The following SPOUT1 variants were observed in gnomAD, a reference collection of about 807,000 sequenced individuals.
SPOUT1 encodes SPOUT domain containing methyltransferase 1.
SPOUT1 carries 40 observed loss-of-function variants against 54.8 expected under a neutral mutation model. That is an observed-to-expected ratio of 0.73 (90% CI 0.57 to 0.95). The LOEUF (loss-of-function observed/expected upper bound fraction) is 0.95. Ranked by LOEUF, SPOUT1 falls within the 40% of genes least tolerant of loss-of-function variation. SPOUT1 has a pLI of 0.00. For synonymous variants in SPOUT1, 193 were observed against 200.3 expected (o/e 0.96, Z 0.31); for missense variants, 437 against 499.5 (o/e 0.87, Z 1.19).
intron 11 of SPOUT1, among the ~76,000 whole-genome samples, chr9:128,823,069 C>T (rs974340116): frequency 4.6e-5 from 7 of 152,164 alleles, no homozygotes; most frequent in Admixed American, 1.3e-4. Flanking sequence ...AAGGTAACAA[C>T]GCCCACCTCC....
Position 128,822,919 on chromosome 9 carries a change from C to T in SPOUT1, c.1063-86G>A, listed in dbSNP as rs142430618. 402 of 1,000,522 alleles carry T rather than the reference C, an allele frequency of 4.0e-4. 6 individuals are homozygous for T. The East Asian group carries it at 1.0e-2, about 25-fold the overall frequency. 62.0% of individuals were successfully genotyped at this position (1,000,522 alleles called of 1,614,324 possible). On this transcript the variant is annotated intron_variant, in intron 11 of 11. Coordinates refer to ENST00000361256, the MANE Select transcript of SPOUT1 (RefSeq NM_016390.4). ...AGCCTGTCTTCAGTGCCTGGCTGCC[C>T]GAGACCTGGCCCACTGGGGTCCCCT...
In SPOUT1 at chr9:128,829,766, G is replaced by A. The variant is rs148048157; in HGVS notation, c.15C>T (p.Gly5=). 2.2e-4 allele frequency: 347 copies of A among 1,602,266 alleles called. 1 individual carries two copies. In the African/African-American group the frequency reaches 4.1e-3, roughly 19 times the overall value. The change falls in exon 1 of 12, where the codon GGC becomes GGT. Residue 5 remains glycine, a synonymous_variant. Transcript: ENST00000361256. MAER[G]RKRPCGPGEH... Reference sequence around the variant, plus strand: ...TTACCGGGCCGCACGGCCGCTTCCTGCCGCGCTCCGCCATGTTCCGCACAC... The same window carrying A: ...TTACCGGGCCGCACGGCCGCTTCCTACCGCGCTCCGCCATGTTCCGCACAC...
At chr9:128,822,882 GC>G in intron 11 of SPOUT1, 49 bp from the exon 12 acceptor site, 2 of 1,400,930 alleles carry the variant, frequency 1.4e-6, no homozygotes, top group South Asian at 2.5e-5. Flanking sequence ...GCTAGCGGGT[GC>G]CCCCGCTCCC....
At position 128,824,055 on chromosome 9, in the gene SPOUT1, C is replaced by T; in HGVS notation, c.914+17G>A. 6.2e-7 allele frequency: 1 copy of T among 1,603,582 alleles called. No individual in the cohort carries two copies. On this transcript the variant is annotated intron_variant, in intron 10 of 11. Coordinates refer to ENST00000361256, the MANE Select transcript of SPOUT1 (RefSeq NM_016390.4). Reference sequence around the variant, plus strand: ...CACATTCCTCCTGCCCTGGCCGCAGCCCCAGGAGGTACACACCTGAAGTTG... The same window carrying T: ...CACATTCCTCCTGCCCTGGCCGCAGTCCCAGGAGGTACACACCTGAAGTTG...
At position 128,820,406 on chromosome 9, in the gene SPOUT1, G is replaced by A. The variant is rs556782482; in HGVS notation, c.*2359C>T. The A allele has an allele frequency of 3.8e-6, 1 of 265,798 alleles. No individual in the cohort carries two copies. Among genetic ancestry groups the A allele is most frequent in the East Asian group, 7.9e-5 (1 of 12,608 alleles). The allele number at this position is 265,798 out of a possible 1,614,324, so 16.5% of individuals were successfully genotyped here. ...GGGAAAAGGAACGGGTTGGTAGTTG[G>A]AAGGGCTGGTCTTCCCAGGAGACCC... On this transcript the variant is annotated 3_prime_UTR_variant, in exon 12 of 12. Transcript: ENST00000361256.
At position 128,820,799 on chromosome 9, in the gene SPOUT1, C is replaced by A; in HGVS notation, c.*1966G>T. ...GGAGAAATATAGCCGCAGCTTGACC[C>A]GCAGCTACCAAAACGTCTATGTCTG... is the stretch of plus-strand genomic sequence containing the variant. On this transcript the variant is annotated 3_prime_UTR_variant, in exon 12 of 12. Coordinates refer to ENST00000361256, the MANE Select transcript of SPOUT1 (RefSeq NM_016390.4). 6.2e-7 allele frequency: 1 copy of A among 1,612,614 alleles called. No individual in the cohort carries two copies. The highest frequency in any genetic ancestry group is 8.5e-7 in the Non-Finnish European group (1 of 1,179,380).
intron 3 of SPOUT1, among the ~76,000 whole-genome samples, chr9:128,828,388 C>CG (rs1051609259): frequency 3.3e-5 from 5 of 151,288 alleles, no homozygotes; most frequent in Admixed American, 2.6e-4. Flanking sequence ...CCCAACTACT[C>CG]GGGGGGCCGA....
intron 3 of SPOUT1, among the ~76,000 whole-genome samples, chr9:128,827,924 A>C (rs1830272900): frequency 6.6e-6 from 1 of 152,158 alleles, no homozygotes; most frequent in African/African-American, 2.4e-5. Flanking sequence ...GTGTCTCAAA[A>C]ACAAACAAAA....
rs941460179 is a variant in SPOUT1 at position 128,822,625 on chromosome 9, G to A, written c.*140C>T. 8 of 1,563,558 alleles carry A rather than the reference G, an allele frequency of 5.1e-6. No homozygotes were observed. The highest frequency in any genetic ancestry group is 6.9e-6 in the Non-Finnish European group (8 of 1,153,632). The stretch of plus-strand genomic sequence containing the variant: ...GCAGTAAGTGAGGGTGGAGCCCAGT[G>A]AGACTGTGGGTGTGTGCAGGCCGGG... On this transcript the variant is annotated 3_prime_UTR_variant, in exon 12 of 12. Transcript: ENST00000361256.
At position 128,828,754 on chromosome 9, in the gene SPOUT1, C is replaced by T. The variant is rs151128931; in HGVS notation, c.189G>A (p.Ala63=). 4.8e-3 allele frequency: 7,780 copies of T among 1,613,966 alleles called. 31 individuals are homozygous for T. Among genetic ancestry groups the T allele is most frequent in the Middle Eastern group, 6.8e-3 (40 of 5,870 alleles). The change falls in exon 3 of 12, where the codon GCG becomes GCA. Residue 63 remains alanine (A), a synonymous_variant. Transcript: ENST00000361256. ...GCTCACCGCGGTCCTCCTTCTCTGC[C>T]GCTGCCTCCTCCTCTTCCAGGCGCT... is the stretch of plus-strand genomic sequence containing the variant. The part of the protein sequence containing the change: ...QAKRLEEEEA[A]AEKEDRGRPY...
Position 128,828,847 on chromosome 9 carries a change from T to C in SPOUT1, c.96A>G (p.Lys32=), listed in dbSNP as rs1564436938. ...RKWKQQKKEE[K]KKWKDLKLMK... ...TCAGCTTGAGATCCTTCCATTTTTT[T>C]TTCTCCTCTTTCTCTGGATAAAAGA... Residue 32 remains lysine (K), a synonymous_variant, in exon 3 of 12, where the codon AAA becomes AAG. Transcript: ENST00000361256. 6.2e-7 allele frequency: 1 copy of C among 1,614,188 alleles called. No individual in the cohort carries two copies. Among genetic ancestry groups the C allele is most frequent in the Non-Finnish European group, 8.5e-7 (1 of 1,180,028 alleles).
chr9:128,828,994 C>G (rs1471952174), intron 2 of SPOUT1, 116 bp downstream of exon 2: 1 of 1,507,718 alleles, frequency 6.6e-7, no homozygotes, highest in African/African-American at 1.4e-5. Flanking sequence ...GCCCCTGCCT[C>G]CCCACTTTGT....
At chr9:128,823,694 G>A (rs931004753) in intron 11 of SPOUT1, 53 bp downstream of exon 11, 22 of 1,527,578 alleles carry the variant, frequency 1.4e-5, no homozygotes, top group Admixed American at 3.9e-5. Flanking sequence ...CCCGCCCCTC[G>A]GACAGATCCC....
chr9:128,820,720 G>A lies in SPOUT1; in HGVS notation c.*2045C>T, dbSNP rs768584347. ...AGGGTCCCAGCCACAGTCCTGCTAA[G>A]CCCTATCTCTCCTACCAGGTGCCCC... On this transcript the variant is annotated 3_prime_UTR_variant, in exon 12 of 12. Transcript: ENST00000361256. The A allele has an allele frequency of 6.3e-7, 1 of 1,595,290 alleles. No individual in the cohort carries two copies. The highest frequency in any genetic ancestry group is 1.7e-5 in the Admixed American group (1 of 57,654).
chr9:128,821,076 C>G lies in SPOUT1; in HGVS notation c.*1689G>C. 18 of 555,656 alleles carry G rather than the reference C, an allele frequency of 3.2e-5. No homozygotes were observed. Among genetic ancestry groups the G allele is most frequent in the South Asian group, 1.6e-4 (7 of 44,830 alleles). The allele number at this position is 555,656 out of a possible 1,614,324, so 34.4% of individuals were successfully genotyped here. On this transcript the variant is annotated 3_prime_UTR_variant, in exon 12 of 12. Transcript: ENST00000361256. ...TCTCTCCTCTGCCCATGGGCAGCAG[C>G]AGGCCCTGAATCTGCCCCCGCTTCT...
rs764302935 is a variant in SPOUT1 at position 128,827,146 on chromosome 9, T to C, written c.254A>G (p.Asp85Gly). The C allele has an allele frequency of 1.4e-5, 22 of 1,613,876 alleles. No individual in the cohort carries two copies. The African/African-American group carries it at 2.7e-4, about 20-fold the overall frequency. ...LSVALPGSIL[D>G]NAQSPELRTY... ...GCGAAGCTCCGGCGACTGAGCATTG[T>C]CCAGGATGGAGCCCGGCAGGGCTAC... The change falls in exon 4 of 12, where the codon GAC (aspartate) becomes GGC (glycine). Residue 85 changes from aspartate (D) to glycine (G), a missense_variant. By Grantham distance (94) the Asp-to-Gly change is moderately conservative. Coordinates refer to ENST00000361256, the MANE Select transcript of SPOUT1 (RefSeq NM_016390.4).
Position 128,821,193 on chromosome 9 carries a change from T to C in SPOUT1, c.*1572A>G. 2 of 296,614 alleles carry C rather than the reference T, an allele frequency of 6.7e-6. No individual in the cohort carries two copies. The highest frequency in any genetic ancestry group is 1.3e-5 in the Non-Finnish European group (2 of 153,380). 18.4% of individuals were successfully genotyped at this position (296,614 alleles called of 1,614,324 possible). ...TGCAGTGCACCAAGCTCTCCCACCT[T>C]CCCCCCGCAGGTCTGCAGTGCACCA... is the stretch of plus-strand genomic sequence containing the variant. On this transcript the variant is annotated 3_prime_UTR_variant, in exon 12 of 12. Coordinates refer to ENST00000361256, the MANE Select transcript of SPOUT1 (RefSeq NM_016390.4).
In SPOUT1 at chr9:128,821,181, G is replaced by A; in HGVS notation, c.*1584C>T. Reference sequence around the variant, plus strand: ...CCCCCGCAGGTCTGCAGTGCACCAAGCTCTCCCACCTTCCCCCCGCAGGTC... The same window carrying A: ...CCCCCGCAGGTCTGCAGTGCACCAAACTCTCCCACCTTCCCCCCGCAGGTC... On this transcript the variant is annotated 3_prime_UTR_variant, in exon 12 of 12. Transcript: ENST00000361256. 3.0e-6 allele frequency: 1 copy of A among 333,896 alleles called. No homozygotes were observed. The allele number at this position is 333,896 out of a possible 1,614,324, so 20.7% of individuals were successfully genotyped here.
chr9:128,820,922 C>G lies in SPOUT1; in HGVS notation c.*1843G>C. 1 of 1,375,446 alleles carries G rather than the reference C, an allele frequency of 7.3e-7. No homozygotes were observed. The highest frequency in any genetic ancestry group is 1.0e-6 in the Non-Finnish European group (1 of 988,366). The allele number at this position is 1,375,446 out of a possible 1,614,324, so 85.2% of individuals were successfully genotyped here. A position where few individuals can be genotyped will look rare whatever the true frequency, so the allele number is the denominator to read the frequency against. ...CCCTACTGCCACTCACAGGGCCAGG[C>G]TTGCCCCAGGCTCTGGGTCAATACC... On this transcript the variant is annotated 3_prime_UTR_variant, in exon 12 of 12. Transcript: ENST00000361256.
Sources: allele counts gnomAD v4.1 joint callset (sites outside exome capture counted in the v4.1 genomes callset), GRCh38; gene constraint gnomAD v4.1.1; transcripts MANE v1.5; gene names NCBI Gene and HGNC (gene_info 2026-07-23, HGNC 2026-07-21).